Variants in BRWD1 observed in about 807,000 individuals in gnomAD.
BRWD1 encodes bromodomain and WD repeat-containing protein 1.
BRWD1 carries 82 observed loss-of-function variants against 251.2 expected under a neutral mutation model. The ratio of observed to expected loss-of-function variants is 0.33; its 90% CI spans 0.27 to 0.39. The LOEUF (loss-of-function observed/expected upper bound fraction) is 0.39. BRWD1 is among the 10% of genes least tolerant of loss of function. The pLI is 1.00. For missense variants in BRWD1, 2,233 were observed against 2,711.6 expected, an observed-to-expected ratio of 0.82 and a Z score of 3.92; for synonymous variants, 918 against 902.8, an observed-to-expected ratio of 1.02 and a Z score of -0.30.
chr21:39,264,326 A>G (rs1336015604), intron 17 of BRWD1, 134 bp downstream of exon 17: 1 of 618,908 alleles, frequency 1.6e-6, no homozygotes, highest in South Asian at 2.6e-5. Flanking sequence ...AACAATACAC[A>G]GAAAAAAAAT....
downstream of BRWD1, chr21:39,185,385 T>TTATAAA (rs1319918638): frequency 6.7e-6 from 1 of 148,626 alleles, no homozygotes; most frequent in Non-Finnish European, 1.5e-5. Flanking sequence ...GTTGAGGACA[T>TTATAAA]AATATACTCA....
At chr21:39,318,411 T>A (rs1298575704), upstream of BRWD1, among the ~76,000 whole-genome samples, 1 of 152,212 alleles carries the variant, frequency 6.6e-6, no homozygotes, top group Non-Finnish European at 1.5e-5. Context: ...AAATTTGTGT[T>A]AACTGAATTT....
At chr21:39,234,801 C>T (rs1191980509) in intron 23 of BRWD1, among the ~76,000 whole-genome samples, 1 of 152,192 alleles carries the variant, frequency 6.6e-6, no homozygotes, top group Non-Finnish European at 1.5e-5. Flanking sequence ...AACAAGCTTG[C>T]TAGTTTAAAG....
In BRWD1 at chr21:39,191,885, C is replaced by A; in HGVS notation, c.*4374G>T. ...TAAAACTGACATAACTAAAATATGACCAGAAAGTATACCATAGCATTGATA... is the reference window on the plus strand; with the variant it reads ...TAAAACTGACATAACTAAAATATGAACAGAAAGTATACCATAGCATTGATA... On this transcript the variant is annotated 3_prime_UTR_variant, in exon 41 of 41. Coordinates refer to ENST00000342449, the MANE Select transcript of BRWD1 (RefSeq NM_033656.4). The A allele has an allele frequency of 1.0e-6, 1 of 983,474 alleles. No homozygotes were observed. The highest frequency in any genetic ancestry group is 1.1e-4 in the East Asian group (1 of 8,782). 60.9% of individuals were successfully genotyped at this position (983,474 alleles called of 1,614,324 possible). A position where few individuals can be genotyped will look rare whatever the true frequency, so the allele number is the denominator to read the frequency against.
At chr21:39,290,771 C>T (rs1331061096) in intron 8 of BRWD1, among the ~76,000 whole-genome samples, 1 of 152,098 alleles carries the variant, frequency 6.6e-6, no homozygotes, top group Admixed American at 6.5e-5. Context: ...TAAAATCTTC[C>T]AGAGAACAAT....
rs774531737 is a variant in BRWD1, at chr21:39,194,778, TA to T, written c.*1480del. Reference sequence around the variant, plus strand: ...TGAAACCAAACACAATTAGGGCTAATAAATAACATTGTCTAATATTGATACC... The same window carrying T: ...TGAAACCAAACACAATTAGGGCTAATAATAACATTGTCTAATATTGATACC... On this transcript the variant is annotated 3_prime_UTR_variant, in exon 41 of 41. Coordinates refer to ENST00000342449, the MANE Select transcript of BRWD1 (RefSeq NM_033656.4). 1 of 1,535,020 alleles carries T rather than the reference TA, an allele frequency of 6.5e-7. No individual in the cohort carries two copies. The highest frequency in any genetic ancestry group is 1.2e-5 in the South Asian group (1 of 84,032).
At position 39,189,768 on chromosome 21, in the gene BRWD1, A is replaced by G. The variant is rs2031448752; in HGVS notation, c.*6491T>C. The stretch of plus-strand genomic sequence containing the variant: ...GTGCTTTTTCTCAAGAAAACTACAA[A>G]CAGTTTTAGAAATATATATAGGATA... On this transcript the variant is annotated 3_prime_UTR_variant, in exon 41 of 41. Coordinates refer to ENST00000342449, the MANE Select transcript of BRWD1 (RefSeq NM_033656.4). 1 of 983,776 alleles carries G rather than the reference A, an allele frequency of 1.0e-6. No homozygotes were observed. The highest frequency in any genetic ancestry group is 1.7e-5 in the African/African-American group (1 of 57,198). The allele number at this position is 983,776 out of a possible 1,614,324, so 60.9% of individuals were successfully genotyped here. A position where few individuals can be genotyped will look rare whatever the true frequency, so the allele number is the denominator to read the frequency against.
chr21:39,221,321 C>G (rs1042772564), intron 29 of BRWD1, among the ~76,000 whole-genome samples: 1 of 151,914 alleles, frequency 6.6e-6, no homozygotes, highest in Non-Finnish European at 1.5e-5. Flanking sequence ...GTGTATGAAA[C>G]AAATATGTGA....
intron 19 of BRWD1, 64 bp downstream of exon 19, chr21:39,255,581 T>TAA: frequency 7.4e-7 from 1 of 1,356,312 alleles, no homozygotes. Flanking sequence ...ACAGAATGTG[T>TAA]AAATAACCAT....
intron 36 of BRWD1, among the ~76,000 whole-genome samples, chr21:39,207,728 T>C (rs550718727): frequency 1.7e-4 from 26 of 152,326 alleles, no homozygotes; most frequent in African/African-American, 5.8e-4. Context: ...TTACTCGTAA[T>C]GGTCAAGAAA....
intron 26 of BRWD1, 131 bp downstream of exon 26, chr21:39,229,181 G>A: frequency 1.3e-6 from 1 of 772,474 alleles, no homozygotes; most frequent in East Asian, 2.7e-5. Flanking sequence ...AGAAGCTCGA[G>A]CCACATCTTA....
intron 27 of BRWD1, among the ~76,000 whole-genome samples, chr21:39,226,705 C>T (rs1019727078): frequency 2.6e-5 from 4 of 152,194 alleles, no homozygotes; most frequent in African/African-American, 9.6e-5. Flanking sequence ...ATCTTGATTA[C>T]TTGTGTAGAT....
At chr21:39,274,575 C>G (rs1455083058) in intron 12 of BRWD1, 103 bp from the exon 13 acceptor site, 2 of 901,488 alleles carry the variant, frequency 2.2e-6, no homozygotes, top group Non-Finnish European at 3.6e-6. Context: ...GCTGTCCTAA[C>G]AACAGGACAA....
chr21:39,223,214 G>A (rs1377985365), intron 29 of BRWD1, among the ~76,000 whole-genome samples: 2 of 152,096 alleles, frequency 1.3e-5, no homozygotes, highest in Admixed American at 6.5e-5. Context: ...TGTGCTAGCT[G>A]TATAAGAAGG....
rs1316565870 is a variant in BRWD1 at position 39,195,164 on chromosome 21, C to G, written c.*1095G>C. ...ACTAATAAAGATACATTTAGTTGCC[C>G]CAGCAAAGAATGCTTAGGATTGCAC... On this transcript the variant is annotated 3_prime_UTR_variant, in exon 41 of 41. Coordinates refer to ENST00000342449, the MANE Select transcript of BRWD1 (RefSeq NM_033656.4). 5.6e-6 allele frequency: 6 copies of G among 1,072,384 alleles called. No homozygotes were observed. In the African/African-American group the frequency reaches 1.0e-4, roughly 18 times the overall value. 66.4% of individuals were successfully genotyped at this position (1,072,384 alleles called of 1,614,324 possible).
At chr21:39,274,346 G>A (rs2035213750) in intron 13 of BRWD1, 28 bp downstream of exon 13, 1 of 1,515,100 alleles carries the variant, frequency 6.6e-7, no homozygotes, top group South Asian at 1.1e-5. Context: ...CACCTATGAT[G>A]CACCTACTTC....
chr21:39,232,332 T>A (rs754376128), intron 24 of BRWD1, 41 bp downstream of exon 24: 1 of 1,602,996 alleles, frequency 6.2e-7, no homozygotes, highest in South Asian at 1.1e-5. Context: ...ATATAAACTT[T>A]ATGTTCCATA....
chr21:39,275,077 GAAAA>G (rs929451183), intron 12 of BRWD1, among the ~76,000 whole-genome samples: 1 of 144,408 alleles, frequency 6.9e-6, no homozygotes, highest in Admixed American at 6.9e-5. Context: ...ATGCCAAGAA[GAAAA>G]AAAAAACAGA....
rs1198783252 is a variant in BRWD1 at position 39,196,301 on chromosome 21, T to C, written c.6768A>G (p.Arg2256=). ...TVRYHDGDDD[R]SLENVLDFNG... is the part of the protein sequence containing the mutation. ...TGAAATCTAACACATTTTCTAAACT[T>C]CTGTCATCATCCCCATCATGGTATC... The change falls in exon 41 of 41, where the codon AGA becomes AGG. Residue 2256 remains arginine, a synonymous_variant. Coordinates refer to ENST00000342449, the MANE Select transcript of BRWD1 (RefSeq NM_033656.4). The C allele has an allele frequency of 1.9e-6, 3 of 1,610,430 alleles. No individual in the cohort carries two copies. In the East Asian group the frequency reaches 6.7e-5, roughly 36 times the overall value.
Sources: allele counts gnomAD v4.1 joint callset (sites outside exome capture counted in the v4.1 genomes callset), GRCh38; gene constraint gnomAD v4.1.1; transcripts MANE v1.5; gene names NCBI Gene and HGNC (gene_info 2026-07-23, HGNC 2026-07-21).